SLC30A6: variants seen among roughly 807,000 people sequenced by gnomAD.
The protein encoded by SLC30A6 is solute carrier family 30 member 6, also known as zinc transporter 6.
SLC30A6 carries 55 observed loss-of-function variants against 63.0 expected under a neutral mutation model. The observed-to-expected ratio is 0.87, with a 90% confidence interval of 0.70 to 1.09. The LOEUF is 1.09. SLC30A6 is among the 50% of genes least tolerant of loss of function. The pLI, the probability that SLC30A6 is intolerant of heterozygous loss-of-function variation, is 0.00. For missense variants in SLC30A6, 587 were observed against 549.2 expected (o/e 1.07, Z -0.69); for synonymous variants, 224 against 186.1 (o/e 1.20, Z -1.66).
At position 32,192,970 on chromosome 2, in the gene SLC30A6, A is replaced by T; in HGVS notation, c.401+17A>T. On this transcript the variant is annotated intron_variant, in intron 7 of 13. Coordinates refer to ENST00000282587, the MANE Select transcript of SLC30A6 (RefSeq NM_017964.5). ...GATACACACGTGAGATTTTATTTTCAATATATAATTTACTATTGATTCTTA... is the reference window on the plus strand; with the variant it reads ...GATACACACGTGAGATTTTATTTTCTATATATAATTTACTATTGATTCTTA... 6.8e-7 allele frequency: 1 copy of T among 1,468,568 alleles called. No homozygotes were observed. The highest frequency in any genetic ancestry group is 9.3e-7 in the Non-Finnish European group (1 of 1,074,684). The allele number at this position is 1,468,568 out of a possible 1,614,324, so 91.0% of individuals were successfully genotyped here. A position where few individuals can be genotyped will look rare whatever the true frequency, so the allele number is the denominator to read the frequency against.
Position 32,192,432 on chromosome 2 carries a change from A to T in SLC30A6, c.365+16A>T. ...TAAAAGAAAGGTACATTTGTATAGGATATTATTCTAAATCCCCCCATGACA... is the reference window on the plus strand; with the variant it reads ...TAAAAGAAAGGTACATTTGTATAGGTTATTATTCTAAATCCCCCCATGACA... On this transcript the variant is annotated intron_variant, in intron 6 of 13. Coordinates refer to ENST00000282587, the MANE Select transcript of SLC30A6 (RefSeq NM_017964.5). 6.2e-7 allele frequency: 1 copy of T among 1,604,406 alleles called. No individual in the cohort carries two copies. Among genetic ancestry groups the T allele is most frequent in the Non-Finnish European group, 8.5e-7 (1 of 1,171,676 alleles).
rs767346462 is a variant in SLC30A6, at chr2:32,165,955, T to G, written c.3+52T>G. ...TCGGCTGTAGCTGATTCGGTTTATC[T>G]TATTTGGTCCCGAAGCGACCTTGAA... On this transcript the variant is annotated intron_variant, in intron 1 of 13. Transcript: ENST00000282587. 5.6e-6 allele frequency: 9 copies of G among 1,613,932 alleles called. No homozygotes were observed. The Admixed American group carries it at 8.3e-5, about 15-fold the overall frequency.
At chr2:32,201,312 A>G (rs774026630) in intron 10 of SLC30A6, among the ~76,000 whole-genome samples, 5 of 152,218 alleles carry the variant, frequency 3.3e-5, no homozygotes, top group Non-Finnish European at 5.9e-5. Flanking sequence ...AACTTCAGCC[A>G]GTTTGAATTG....
At chr2:32,182,155 G>A (rs959807008) in intron 4 of SLC30A6, among the ~76,000 whole-genome samples, 1 of 151,846 alleles carries the variant, frequency 6.6e-6, no homozygotes, top group Non-Finnish European at 1.5e-5. Context: ...GGCTGGTCTT[G>A]TACTCTTGGG....
intron 8 of SLC30A6, among the ~76,000 whole-genome samples, chr2:32,195,807 G>T (rs1421706505): frequency 6.6e-6 from 1 of 152,028 alleles, no homozygotes; most frequent in Admixed American, 6.6e-5. Context: ...CTCCCAAAGT[G>T]CTGGGACGAC....
chr2:32,204,465 A>G (rs932550807), intron 10 of SLC30A6, 125 bp from the exon 11 acceptor site: 9 of 459,658 alleles, frequency 2.0e-5, no homozygotes, highest in African/African-American at 1.6e-4. Flanking sequence ...GTAGTGGCCA[A>G]TTGTGATAAA....
chr2:32,204,157 T>C (rs1684539227), intron 10 of SLC30A6, among the ~76,000 whole-genome samples: 1 of 152,240 alleles, frequency 6.6e-6, no homozygotes, highest in Non-Finnish European at 1.5e-5. Flanking sequence ...AGAATGATTG[T>C]AAACAGATCT....
At chr2:32,215,120 A>G (rs937457224) in intron 13 of SLC30A6, among the ~76,000 whole-genome samples, 1 of 152,126 alleles carries the variant, frequency 6.6e-6, no homozygotes, top group Non-Finnish European at 1.5e-5. Flanking sequence ...TTTTGTAAGA[A>G]TTTTTTTCTT....
At chr2:32,168,088 G>A (rs72796871) in intron 1 of SLC30A6, among the ~76,000 whole-genome samples, 6,661 of 152,218 alleles carry the variant, frequency 0.044, 179 homozygotes, top group Non-Finnish European at 0.063. Flanking sequence ...CTTTATGCTT[G>A]AAACATTAGT....
chr2:32,166,029 C>T (rs1012567937), intron 1 of SLC30A6, 126 bp downstream of exon 1: 14 of 1,390,734 alleles, frequency 1.0e-5, no homozygotes, highest in Non-Finnish European at 1.2e-5. Context: ...AGTCGGGCCC[C>T]TTGGCAGGAG....
At chr2:32,174,026 A>G (rs1681475375) in intron 2 of SLC30A6, 37 bp from the exon 3 acceptor site, 1 of 1,497,684 alleles carries the variant, frequency 6.7e-7, no homozygotes, top group Non-Finnish European at 9.2e-7. Flanking sequence ...GAAATTTATC[A>G]CTTCTGTACA....
chr2:32,208,274 G>A (rs750023390), intron 12 of SLC30A6, among the ~76,000 whole-genome samples: 10 of 151,268 alleles, frequency 6.6e-5, no homozygotes, highest in Non-Finnish European at 1.2e-4. Context: ...GGGATTACAG[G>A]CTCCCACCAC....
rs1040338307 is a variant in SLC30A6, at chr2:32,192,391, G to A, written c.340G>A (p.Gly114Arg). Residue 114 changes from glycine to arginine, a missense_variant, in exon 6 of 14, where the codon GGA becomes AGA. By Grantham distance (125) the Gly-to-Arg change is moderately radical (BLOSUM62 -2). Coordinates refer to ENST00000282587, the MANE Select transcript of SLC30A6 (RefSeq NM_017964.5). ...TGCCTCCACAGTCTTGGCACAGTTG[G>A]GAGCTCTCTTTATATTAAAAGAAAG... ...VFASTVLAQL[G>R]ALFILKESAE... The A allele has an allele frequency of 6.2e-7, 1 of 1,613,894 alleles. No homozygotes were observed.
intron 4 of SLC30A6, among the ~76,000 whole-genome samples, chr2:32,183,048 A>G (rs1171410974): frequency 1.3e-5 from 2 of 151,966 alleles, no homozygotes; most frequent in Admixed American, 1.3e-4. Flanking sequence ...TTAGCCGGGC[A>G]TGGTGGTGCA....
At chr2:32,204,938 T>G (rs1684617587) in intron 11 of SLC30A6, among the ~76,000 whole-genome samples, 1 of 151,454 alleles carries the variant, frequency 6.6e-6, no homozygotes, top group Admixed American at 6.6e-5. Flanking sequence ...CTCAGTCTCC[T>G]GAGTAACAAA....
chr2:32,171,913 C>T (rs988409556), intron 2 of SLC30A6, among the ~76,000 whole-genome samples: 17 of 152,092 alleles, frequency 1.1e-4, no homozygotes, highest in African/African-American at 3.6e-4. Flanking sequence ...AGGCTGATCT[C>T]GAACTCCCGA....
rs774503688 is a variant in SLC30A6, at chr2:32,171,306, G to T, written c.23G>T (p.Arg8Leu). The T allele has an allele frequency of 6.2e-7, 1 of 1,613,470 alleles. No homozygotes were observed. The highest frequency in any genetic ancestry group is 8.5e-7 in the Non-Finnish European group (1 of 1,179,664). Reference protein sequence around the residue: MGTIHLFRKPQRSFFGKL... With the variant: MGTIHLFLKPQRSFFGKL... ...TGAAAGGGGACAATTCATCTCTTTC[G>T]AAAACCACAAAGATCCTTTTTTGGC... The change falls in exon 2 of 14, where the codon CGA (arginine) becomes CTA (leucine). Residue 8 changes from arginine (R) to leucine (L), a missense_variant. Coordinates refer to ENST00000282587, the MANE Select transcript of SLC30A6 (RefSeq NM_017964.5).
chr2:32,203,689 C>T (rs879111794), intron 10 of SLC30A6: 21 of 1,544,646 alleles, frequency 1.4e-5, no homozygotes, highest in African/African-American at 1.2e-4. Context: ...AGGAAATGTG[C>T]GTGTTTGCTT....
chr2:32,209,020 C>T (rs930373319), intron 12 of SLC30A6, among the ~76,000 whole-genome samples: 2 of 152,164 alleles, frequency 1.3e-5, no homozygotes, highest in African/African-American at 4.8e-5. Flanking sequence ...GTGGGCTACA[C>T]ACTATATATC....
Sources: gnomAD v4.1 joint callset for allele counts (sites outside exome capture counted in the v4.1 genomes callset) on GRCh38, gnomAD v4.1.1 for gene constraint, MANE v1.5 for transcripts, NCBI Gene and HGNC (gene_info 2026-07-23, HGNC 2026-07-21) for gene names.